DCAF6: variants seen among roughly 807,000 people sequenced by gnomAD.
DCAF6 encodes the protein DDB1 and CUL4 associated factor 6, also known as DDB1- and CUL4-associated factor 6.
In DCAF6, 54 loss-of-function variants were observed where a neutral mutation model predicts 125.1. The ratio of observed to expected loss-of-function variants is 0.43; its 90% CI spans 0.35 to 0.54. The LOEUF is 0.54. DCAF6 is among the 20% of genes least tolerant of loss of function. The probability of loss-of-function intolerance (pLI) is 0.01; values close to 1 mark genes in which losing one functional copy is unlikely to be tolerated. For missense variants in DCAF6, 934 were observed against 1,161.7 expected, an observed-to-expected ratio of 0.80 and a Z score of 2.85; for synonymous variants, 371 against 390.4, an observed-to-expected ratio of 0.95 and a Z score of 0.58.
the DCAF6 span, among the ~76,000 whole-genome samples, chr1:167,909,056 C>T: frequency 3.9e-5 from 6 of 152,180 alleles, no homozygotes; most frequent in Non-Finnish European, 8.8e-5. Flanking sequence ...TCTCATGCCA[C>T]CTTCAAGTCA....
At chr1:167,878,822 G>C in the DCAF6 span, among the ~76,000 whole-genome samples, 32 of 152,344 alleles carry the variant, frequency 2.1e-4, no homozygotes, top group African/African-American at 7.5e-4. Context: ...CAGGGAGTTA[G>C]TTAGCCATTA....
chr1:167,966,372 A>G (rs12090518), intron 2 of DCAF6, among the ~76,000 whole-genome samples: 4,575 of 152,264 alleles, frequency 0.03, 238 homozygotes, highest in African/African-American at 0.1. Flanking sequence ...TTCTTAAAAC[A>G]TTATGAGATT....
intron 7 of DCAF6, 62 bp downstream of exon 7, chr1:167,993,502 C>T (rs1027492900): frequency 1.5e-5 from 22 of 1,426,224 alleles, no homozygotes; most frequent in Admixed American, 3.6e-5. Flanking sequence ...GTAATCCCAG[C>T]GCTTTGGGAG....
chr1:168,044,994 ATC>A lies in DCAF6; in HGVS notation c.2027_2028del (p.Ser676CysfsTer4). 1 of 1,614,114 alleles carries A rather than the reference ATC, an allele frequency of 6.2e-7. No individual in the cohort carries two copies. The highest frequency in any genetic ancestry group is 8.5e-7 in the Non-Finnish European group (1 of 1,179,964). On this transcript the variant is annotated frameshift_variant, in exon 16 of 22. Transcript: ENST00000367840. LOFTEE classifies it high-confidence loss of function. ...ATCGCTCTTGTGGGGTTCCAGAAGA[ATC>A]TGCTTCATCTGAAAAAGCCAAGGAA... is the stretch of plus-strand genomic sequence containing the variant. The part of the protein sequence containing the change: ...LDRSCGVPEE[S>X]ASSEKAKEPE...
At chr1:167,987,325 C>G (rs1301644372) in intron 4 of DCAF6, among the ~76,000 whole-genome samples, 170 bp from the exon 5 acceptor site, 1 of 152,130 alleles carries the variant, frequency 6.6e-6, no homozygotes, top group Non-Finnish European at 1.5e-5. Context: ...TTATCTATTT[C>G]TATCTGTATT....
the DCAF6 span, chr1:167,924,527 T>G: frequency 1.2e-5 from 19 of 1,566,660 alleles, no homozygotes; most frequent in Non-Finnish European, 1.6e-5. Flanking sequence ...AGAAGAAAAC[T>G]GTTCTGGGAC....
chr1:168,011,111 A>ATTTTTTTT (rs370763073), intron 10 of DCAF6, among the ~76,000 whole-genome samples: 2 of 110,360 alleles, frequency 1.8e-5, no homozygotes, highest in Non-Finnish European at 3.6e-5. Context: ...GACCATCAGA[A>ATTTTTTTT]TTTTTTTTTT....
the DCAF6 span, among the ~76,000 whole-genome samples, chr1:167,927,118 A>ATT: frequency 6.6e-6 from 1 of 152,230 alleles, no homozygotes; most frequent in Admixed American, 6.5e-5. Context: ...GATGCTAATC[A>ATT]AAGATATTCA....
chr1:167,936,727 G>C lies in DCAF6; in HGVS notation c.-185G>C. On this transcript the variant is annotated 5_prime_UTR_variant, in exon 1 of 22. Transcript: ENST00000367840. Reference sequence around the variant, plus strand: ...AGAAGGAGAGTATGAGGCGAGCTCCGGCCCGGGTGCGGCCGGGCTTCAGGG... The same window carrying C: ...AGAAGGAGAGTATGAGGCGAGCTCCCGCCCGGGTGCGGCCGGGCTTCAGGG... 1.7e-6 allele frequency: 1 copy of C among 595,600 alleles called. No homozygotes were observed. Among genetic ancestry groups the C allele is most frequent in the Non-Finnish European group, 3.0e-6 (1 of 333,378 alleles). The allele number at this position is 595,600 out of a possible 1,614,324, so 36.9% of individuals were successfully genotyped here.
intron 2 of DCAF6, among the ~76,000 whole-genome samples, chr1:167,955,362 C>T (rs1010746820): frequency 2.0e-5 from 3 of 151,858 alleles, no homozygotes; most frequent in Admixed American, 6.6e-5. Context: ...TTTCCAGTAT[C>T]GTTGTACCGT....
At chr1:167,876,887 G>C in the DCAF6 span, among the ~76,000 whole-genome samples, 3 of 152,106 alleles carry the variant, frequency 2.0e-5, 1 homozygote, top group South Asian at 2.1e-4. Flanking sequence ...TGCTCCTCCA[G>C]TATTGCCAGG....
chr1:168,064,030 TC>T (rs58545386), intron 18 of DCAF6: 34 of 183,764 alleles, frequency 1.9e-4, no homozygotes, highest in African/African-American at 5.6e-4. Flanking sequence ...TTTTTTTTTT[TC>T]CCCCTCTCTT....
chr1:167,961,430 G>A (rs1248672593), intron 2 of DCAF6, among the ~76,000 whole-genome samples: 1 of 152,102 alleles, frequency 6.6e-6, no homozygotes, highest in Non-Finnish European at 1.5e-5. Flanking sequence ...TTTTAGTAGA[G>A]ATGGGGTTTC....
intron 3 of DCAF6, 81 bp downstream of exon 3, chr1:167,966,802 T>C: frequency 1.2e-6 from 1 of 840,916 alleles, no homozygotes; most frequent in Admixed American, 2.3e-5. Context: ...TGAACAGTCA[T>C]AGAATGGGCA....
chr1:168,052,123 A>G (rs1431115278), intron 17 of DCAF6, among the ~76,000 whole-genome samples: 1 of 152,090 alleles, frequency 6.6e-6, no homozygotes, highest in African/African-American at 2.4e-5. Flanking sequence ...ACATCAAGTG[A>G]TCTGCCCATG....
At chr1:167,879,484 T>G in the DCAF6 span, among the ~76,000 whole-genome samples, 1 of 152,138 alleles carries the variant, frequency 6.6e-6, no homozygotes, top group Admixed American at 6.6e-5. Context: ...AATTTCCATA[T>G]ACCCATCACC....
At chr1:167,887,790 A>C in the DCAF6 span, among the ~76,000 whole-genome samples, 50 of 151,812 alleles carry the variant, frequency 3.3e-4, 1 homozygote, top group East Asian at 9.3e-3. Flanking sequence ...AAAAAAAAAA[A>C]CACTTGATGT....
the DCAF6 span, chr1:167,878,714 A>T: frequency 1.4e-6 from 2 of 1,442,650 alleles, no homozygotes; most frequent in South Asian, 2.4e-5. Flanking sequence ...ATTGTCCCCA[A>T]ATAGCATTTT....
intron 3 of DCAF6, among the ~76,000 whole-genome samples, chr1:167,972,282 C>A (rs1281949055): frequency 6.6e-6 from 1 of 152,194 alleles, no homozygotes; most frequent in Non-Finnish European, 1.5e-5. Flanking sequence ...AATTAAAGAA[C>A]AAATTCTAAC....
Sources: gnomAD v4.1 joint callset for allele counts (sites outside exome capture counted in the v4.1 genomes callset) on GRCh38, gnomAD v4.1.1 for gene constraint, MANE v1.5 for transcripts, NCBI Gene and HGNC (gene_info 2026-07-23, HGNC 2026-07-21) for gene names.